Variants in KCNQ1 observed in about 807,000 individuals in gnomAD.
The protein encoded by KCNQ1 is potassium voltage-gated channel subfamily KQT member 1.
Under a neutral mutation model 72.4 loss-of-function variants are expected in KCNQ1, and 49 were observed. That is an observed-to-expected ratio of 0.68 (90% CI 0.54 to 0.86). The LOEUF (loss-of-function observed/expected upper bound fraction) is 0.86, where lower values mean the gene tolerates loss of function less well. Among genes scored for constraint, KCNQ1 ranks in the 40% least tolerant of loss-of-function variants. The probability of loss-of-function intolerance (pLI) is 0.00; values close to 1 mark genes in which losing one functional copy is unlikely to be tolerated. For missense variants in KCNQ1, 790 were observed against 945.1 expected, an observed-to-expected ratio of 0.84 and a Z score of 2.15; for synonymous variants, 450 against 412.6, an observed-to-expected ratio of 1.09 and a Z score of -1.10.
intron 15 of KCNQ1, among the ~76,000 whole-genome samples, chr11:2,841,228 G>T (rs1848203460): frequency 6.6e-6 from 1 of 152,208 alleles, no homozygotes; most frequent in Non-Finnish European, 1.5e-5. Flanking sequence ...TGGGCGCTCA[G>T]ATCAACACGG....
intron 10 of KCNQ1, among the ~76,000 whole-genome samples, chr11:2,594,766 TATTTTAAA>T: frequency 6.6e-6 from 1 of 152,200 alleles, no homozygotes; most frequent in African/African-American, 2.4e-5. Context: ...ACCTTTCTCA[TATTTTAAA>T]CTACAACTTT....
In KCNQ1 at chr11:2,588,931, T is replaced by C; in HGVS notation, c.1393+77T>C. The C allele has an allele frequency of 2.0e-6, 3 of 1,535,662 alleles. No homozygotes were observed. The highest frequency in any genetic ancestry group is 1.8e-6 in the Non-Finnish European group (2 of 1,126,426). On this transcript the variant is annotated intron_variant, in intron 10 of 15. Transcript: ENST00000155840. This position sits in a 1 kb window ranked among gnomAD's most constrained non-coding sequence, Gnocchi z 5.6. ...TTTTTTGGGAGCCCGAGCAAGCCAG[T>C]GAGTTTCTCCCTTGGGCTGTGGTCT...
chr11:2,610,453 T>C, intron 10 of KCNQ1: 1 of 398,386 alleles, frequency 2.5e-6, no homozygotes, highest in Non-Finnish European at 4.4e-6. Flanking sequence ...TGATCCACTT[T>C]TTTGGTTTTT....
intron 11 of KCNQ1, chr11:2,696,015 A>G: frequency 2.5e-6 from 1 of 398,604 alleles, no homozygotes; most frequent in Non-Finnish European, 4.4e-6. Context: ...CATGAGTGTA[A>G]AAGTGAAAAA....
At chr11:2,452,786 C>T (rs1846134592) in intron 1 of KCNQ1, among the ~76,000 whole-genome samples, 1 of 152,160 alleles carries the variant, frequency 6.6e-6, no homozygotes, top group African/African-American at 2.4e-5. Context: ...TTTTAAAAAC[C>T]GCATGTAACT....
chr11:2,584,596 AGT>A (rs1246676875), intron 7 of KCNQ1, among the ~76,000 whole-genome samples: 1 of 111,236 alleles, frequency 9.0e-6, no homozygotes, highest in Admixed American at 8.6e-5. Context: ...TTTGTGGGTT[AGT>A]GTGTGTTAGT....
rs77472205 is a variant in KCNQ1, at chr11:2,646,085, G to T, written c.1394-15876G>T. ...CCAGCCAGTCCCATAGAAGCAGACT[G>T]CCTGACTCCCCTCTTATCCCTTGCA... On this transcript the variant is annotated intron_variant, in intron 10 of 15. Coordinates refer to ENST00000155840, the MANE Select transcript of KCNQ1 (RefSeq NM_000218.3). 5.4e-3 allele frequency: 2,148 copies of T among 398,594 alleles called. 40 individuals carry two copies. Among genetic ancestry groups the T allele is most frequent in the African/African-American group, 0.039 (1,896 of 48,720 alleles). The allele number at this position is 398,594 out of a possible 1,614,324, so 24.7% of individuals were successfully genotyped here.
rs774725539 is a variant in KCNQ1, at chr11:2,601,085, T to TA, written c.1393+12246dup. Among the ~76,000 whole-genome samples, 12,364 of 138,936 alleles carry TA rather than the reference T, an allele frequency of 0.089. 1,078 individuals are homozygous for TA. Among genetic ancestry groups the TA allele is most frequent in the African/African-American group, 0.22 (8,584 of 38,518 alleles). 91.1% of individuals were successfully genotyped at this position (138,936 alleles called of 152,430 possible). A position where few individuals can be genotyped will look rare whatever the true frequency, so the allele number is the denominator to read the frequency against. ...GCCATGCATATACCCTGCTACTTGTTAAAAAAAAAAAAAAAGTCTCTCCAG... is the reference window on the plus strand; with the variant it reads ...GCCATGCATATACCCTGCTACTTGTTAAAAAAAAAAAAAAAAGTCTCTCCAG... On this transcript the variant is annotated intron_variant, in intron 10 of 15. Transcript: ENST00000155840. The surrounding 1 kb of genome is among the most constrained non-coding windows in gnomAD (Gnocchi z 5.2).
intron 6 of KCNQ1, among the ~76,000 whole-genome samples, chr11:2,582,353 G>T (rs1848513336): frequency 6.6e-6 from 1 of 152,246 alleles, no homozygotes; most frequent in Non-Finnish European, 1.5e-5. Flanking sequence ...TGGGGGCTCA[G>T]GTGGGCCGGG....
intron 1 of KCNQ1, among the ~76,000 whole-genome samples, chr11:2,503,057 T>C (rs1239332193): frequency 2.0e-5 from 3 of 152,130 alleles, no homozygotes; most frequent in African/African-American, 7.2e-5. Flanking sequence ...AAGAATTAAA[T>C]CTAAGACTTC....
rs1356422958 is a variant in KCNQ1, at chr11:2,550,345, C to T, written c.478-20283C>T. On this transcript the variant is annotated intron_variant, in intron 2 of 15. Coordinates refer to ENST00000155840, the MANE Select transcript of KCNQ1 (RefSeq NM_000218.3). The surrounding 1 kb of genome is among the most constrained non-coding windows in gnomAD (Gnocchi z 6.0). ...CATCTGCATCCTTGCCGTCACCCCT[C>T]ACACCCCCTGCTAGGGTCCCTCTGG... Among the ~76,000 whole-genome samples the T allele has an allele frequency of 6.6e-6, 1 of 152,212 alleles. No individual in the cohort carries two copies. Among genetic ancestry groups the T allele is most frequent in the Non-Finnish European group, 1.5e-5 (1 of 68,032 alleles).
chr11:2,614,988 C>T (rs973816223), intron 10 of KCNQ1: 8 of 398,214 alleles, frequency 2.0e-5, no homozygotes, highest in South Asian at 2.5e-4. Context: ...TGGGTAATAT[C>T]GCCAACTTAA....
At chr11:2,466,805 C>G (rs1191243389) in intron 1 of KCNQ1, among the ~76,000 whole-genome samples, 9 of 152,142 alleles carry the variant, frequency 5.9e-5, no homozygotes, top group Non-Finnish European at 1.2e-4. Context: ...GTCATCCTAT[C>G]TGGAAACAGG....
chr11:2,572,046 A>G lies in KCNQ1; in HGVS notation c.717A>G (p.Leu239=), dbSNP rs779210752. The change falls in exon 5 of 16, where the codon CTA becomes CTG. Residue 239 remains leucine (L), a synonymous_variant. Transcript: ENST00000155840. ...GIRFLQILRM[L]HVDRQGGTWR... is the part of the protein sequence containing the mutation. ...GCTTCCTGCAGATCCTGAGGATGCT[A>G]CACGTCGACCGCCAGGGAGGCACCT... is the stretch of plus-strand genomic sequence containing the variant. 6.2e-7 allele frequency: 1 copy of G among 1,612,678 alleles called. No individual in the cohort carries two copies. Among genetic ancestry groups the G allele is most frequent in the African/African-American group, 1.3e-5 (1 of 74,866 alleles).
At chr11:2,505,036 T>G (rs1320058775) in intron 1 of KCNQ1, among the ~76,000 whole-genome samples, 1 of 151,628 alleles carries the variant, frequency 6.6e-6, no homozygotes, top group African/African-American at 2.4e-5. Flanking sequence ...CATTTAAGTA[T>G]TTTCTAATTT....
chr11:2,527,999 C>T lies in KCNQ1; in HGVS notation c.458C>T (p.Thr153Met), dbSNP rs143709408. Residue 153 changes from threonine (T) to methionine (M), a missense_variant, in exon 2 of 16, where the codon ACG (threonine) becomes ATG (methionine). Thr to Met is a moderately conservative substitution (Grantham distance 81). Coordinates refer to ENST00000155840, the MANE Select transcript of KCNQ1 (RefSeq NM_000218.3). The part of the protein sequence containing the change: ...STIEQYAALA[T>M]GTLFWMEIVL... ...ATCGAGCAGTATGCCGCCCTGGCCACGGGGACTCTCTTCTGGATGGTACGT... is the reference window on the plus strand; with the variant it reads ...ATCGAGCAGTATGCCGCCCTGGCCATGGGGACTCTCTTCTGGATGGTACGT... The T allele has an allele frequency of 1.6e-4, 253 of 1,613,682 alleles. No homozygotes were observed. The highest frequency in any genetic ancestry group is 6.4e-4 in the African/African-American group (48 of 75,052).
At chr11:2,568,044 A>G (rs919687596) in intron 2 of KCNQ1, among the ~76,000 whole-genome samples, 1 of 152,176 alleles carries the variant, frequency 6.6e-6, no homozygotes, top group Non-Finnish European at 1.5e-5. Context: ...CGAAGCAGGC[A>G]GATCACCTAA....
intron 11 of KCNQ1, among the ~76,000 whole-genome samples, chr11:2,741,207 G>A (rs905772394): frequency 1.3e-5 from 2 of 152,130 alleles, no homozygotes; most frequent in African/African-American, 4.8e-5. Context: ...GACAGGGGAG[G>A]CCCCTATGAG....
chr11:2,535,093 C>T (rs1298379332), intron 2 of KCNQ1, among the ~76,000 whole-genome samples: 1 of 152,376 alleles, frequency 6.6e-6, no homozygotes, highest in East Asian at 1.9e-4. Context: ...GTCACTGCCC[C>T]ATGAGCCTGT....
Sources: allele counts gnomAD v4.1 joint callset (sites outside exome capture counted in the v4.1 genomes callset), GRCh38; gene constraint gnomAD v4.1.1; non-coding constraint Gnocchi (gnomAD v3.1); transcripts MANE v1.5; gene names NCBI Gene and HGNC (gene_info 2026-07-23, HGNC 2026-07-21).